The following KCNH1 variants were observed in gnomAD, a reference collection of about 807,000 sequenced individuals.
The protein encoded by KCNH1 is potassium voltage-gated channel subfamily H member 1.
Under a neutral mutation model 69.2 loss-of-function variants are expected in KCNH1, and 27 were observed. The observed-to-expected ratio is 0.39, with a 90% confidence interval of 0.29 to 0.54. KCNH1 has a LOEUF of 0.54. KCNH1 is among the 20% of genes least tolerant of loss of function. The probability of loss-of-function intolerance (pLI) is 0.68; values close to 1 mark genes in which losing one functional copy is unlikely to be tolerated. For synonymous variants in KCNH1, 456 were observed against 487.7 expected (o/e 0.93, Z 0.86); for missense variants, 798 against 1,261.6 (o/e 0.63, Z 5.57).
Position 211,033,847 on chromosome 1 carries a change from T to C in KCNH1, c.559-14591A>G, listed in dbSNP as rs188453097. Among the ~76,000 whole-genome samples, 310 of 152,138 alleles carry C rather than the reference T, an allele frequency of 2.0e-3. 2 individuals are homozygous for C. Among genetic ancestry groups the C allele is most frequent in the African/African-American group, 6.7e-3 (278 of 41,506 alleles). Reference sequence around the variant, plus strand: ...AGTTAATGGGTGCAGCACACCAACATGGCACATGTATACATATGTAACAAA... The same window carrying C: ...AGTTAATGGGTGCAGCACACCAACACGGCACATGTATACATATGTAACAAA... On this transcript the variant is annotated intron_variant, in intron 5 of 10. Coordinates refer to ENST00000271751, the MANE Select transcript of KCNH1 (RefSeq NM_172362.3).
At chr1:210,691,263 G>A (rs1681522216) in intron 10 of KCNH1, among the ~76,000 whole-genome samples, 1 of 152,210 alleles carries the variant, frequency 6.6e-6, no homozygotes, top group Non-Finnish European at 1.5e-5. Context: ...AAGACACAAA[G>A]GCAGAAATGC....
intron 9 of KCNH1, among the ~76,000 whole-genome samples, chr1:210,789,393 T>A (rs1206763855): frequency 6.6e-6 from 1 of 152,236 alleles, no homozygotes; most frequent in South Asian, 2.1e-4. Flanking sequence ...CTGTCTTCAT[T>A]GCCTGGCCAT....
At chr1:210,684,166 T>C (rs745317423) in intron 10 of KCNH1, 28 bp from the exon 11 acceptor site, 3 of 1,492,684 alleles carry the variant, frequency 2.0e-6, no homozygotes, top group Non-Finnish European at 2.7e-6. Context: ...GAGAATGACA[T>C]GGCGTGTTAG....
intron 5 of KCNH1, among the ~76,000 whole-genome samples, chr1:211,074,704 T>C (rs899355030): frequency 6.6e-6 from 1 of 152,348 alleles, no homozygotes; most frequent in South Asian, 2.1e-4. Flanking sequence ...TTAATATCTA[T>C]AATCAGTCAA....
intron 5 of KCNH1, among the ~76,000 whole-genome samples, chr1:211,070,545 C>T (rs1690622983): frequency 1.3e-5 from 2 of 149,684 alleles, no homozygotes; most frequent in African/African-American, 4.9e-5. Context: ...GAGGGGAGGC[C>T]AGGTGTGGTG....
At chr1:210,769,030 T>G (rs1437258363) in intron 10 of KCNH1, among the ~76,000 whole-genome samples, 1 of 152,262 alleles carries the variant, frequency 6.6e-6, no homozygotes, top group East Asian at 1.9e-4. Context: ...TCCAACACCA[T>G]GATTTTATTA....
At chr1:211,024,922 G>C (rs1689658448) in intron 5 of KCNH1, among the ~76,000 whole-genome samples, 2 of 152,106 alleles carry the variant, frequency 1.3e-5, no homozygotes, top group African/African-American at 4.8e-5. Context: ...TCAACTCTAA[G>C]GTCCTACCTA....
chr1:211,036,161 G>C (rs1284475825), intron 5 of KCNH1, among the ~76,000 whole-genome samples: 1 of 152,194 alleles, frequency 6.6e-6, no homozygotes, highest in East Asian at 1.9e-4. Flanking sequence ...AAGGAATGTA[G>C]CTACATGTGG....
At chr1:210,832,812 G>A (rs963038609) in intron 7 of KCNH1, among the ~76,000 whole-genome samples, 18 of 151,076 alleles carry the variant, frequency 1.2e-4, no homozygotes, top group African/African-American at 4.4e-4. Context: ...GCACTGAAAT[G>A]TCTTATATAT....
rs528681139 is a variant in KCNH1, at chr1:211,012,447, A to G, written c.1032+6336T>C. Among the ~76,000 whole-genome samples the G allele has an allele frequency of 4.6e-5, 7 of 152,370 alleles. No homozygotes were observed. The South Asian group carries it at 1.4e-3, about 32-fold the overall frequency. Reference sequence around the variant, plus strand: ...ATAAATCATGGTACATCCATACAATAGGATATTATTCTGCAATTTTAAAAA... The same window carrying G: ...ATAAATCATGGTACATCCATACAATGGGATATTATTCTGCAATTTTAAAAA... On this transcript the variant is annotated intron_variant, in intron 6 of 10. Transcript: ENST00000271751.
chr1:210,716,836 T>A (rs964517357), intron 10 of KCNH1, among the ~76,000 whole-genome samples: 6 of 152,140 alleles, frequency 3.9e-5, no homozygotes, highest in African/African-American at 1.4e-4. Context: ...TTATAGATAA[T>A]CACGAGTTGC....
chr1:210,954,508 T>C (rs1688129930), intron 6 of KCNH1, among the ~76,000 whole-genome samples: 1 of 152,238 alleles, frequency 6.6e-6, no homozygotes. Context: ...TGAACTAATT[T>C]ACACTCCCAC....
At chr1:210,725,644 T>A (rs1682572814) in intron 10 of KCNH1, among the ~76,000 whole-genome samples, 1 of 152,198 alleles carries the variant, frequency 6.6e-6, no homozygotes, top group Admixed American at 6.5e-5. Flanking sequence ...TAGAAGCTCA[T>A]TTCTGCAGGG....
At chr1:210,920,324 A>G (rs1400162380) in intron 6 of KCNH1, among the ~76,000 whole-genome samples, 1 of 152,244 alleles carries the variant, frequency 6.6e-6, no homozygotes, top group Non-Finnish European at 1.5e-5. Context: ...TATATTGTAC[A>G]TAAGTAAACA....
chr1:210,991,523 T>C (rs1342149252), intron 6 of KCNH1, among the ~76,000 whole-genome samples: 4 of 151,892 alleles, frequency 2.6e-5, no homozygotes. Context: ...GGAATAAGTT[T>C]TAGTGATCTA....
In KCNH1 at chr1:210,996,883, C is replaced by T. The variant is rs542747773; in HGVS notation, c.1032+21900G>A. ...TACAGCCACCGCTGTTCTGCAGCCA[C>T]CGCTGCTGATACCCAGGCAAACAGC... On this transcript the variant is annotated intron_variant, in intron 6 of 10. Coordinates refer to ENST00000271751, the MANE Select transcript of KCNH1 (RefSeq NM_172362.3). Among the ~76,000 whole-genome samples the T allele has an allele frequency of 1.9e-3, 294 of 152,322 alleles. 1 individual carries two copies. Among genetic ancestry groups the T allele is most frequent in the African/African-American group, 6.9e-3 (286 of 41,568 alleles).
chr1:210,880,972 T>C (rs1234279845), intron 7 of KCNH1, among the ~76,000 whole-genome samples: 1 of 152,004 alleles, frequency 6.6e-6, no homozygotes, highest in Non-Finnish European at 1.5e-5. Flanking sequence ...TAAAAAGATA[T>C]TCCACATCAT....
At chr1:210,906,555 C>A (rs1284224849) in intron 7 of KCNH1, among the ~76,000 whole-genome samples, 1 of 152,204 alleles carries the variant, frequency 6.6e-6, no homozygotes, top group East Asian at 1.9e-4. Context: ...AAACTGATTT[C>A]CATAACTATT....
At chr1:210,817,559 T>C (rs536073763) in intron 7 of KCNH1, among the ~76,000 whole-genome samples, 1 of 152,160 alleles carries the variant, frequency 6.6e-6, no homozygotes, top group African/African-American at 2.4e-5. Context: ...CCCAGGCAGG[T>C]TGGCTTTGAA....
Sources: gnomAD v4.1 joint callset for allele counts (sites outside exome capture counted in the v4.1 genomes callset) on GRCh38, gnomAD v4.1.1 for gene constraint, MANE v1.5 for transcripts, NCBI Gene and HGNC (gene_info 2026-07-23, HGNC 2026-07-21) for gene names.